The following CNTNAP5 variants were observed in gnomAD, a reference collection of about 807,000 sequenced individuals.
The protein encoded by CNTNAP5 is contactin associated protein family member 5.
Under a neutral mutation model 150.2 loss-of-function variants are expected in CNTNAP5, and 72 were observed. The ratio of observed to expected loss-of-function variants is 0.48; its 90% CI spans 0.40 to 0.58. The LOEUF is 0.58. CNTNAP5 is among the 20% of genes least tolerant of loss of function. The pLI is 0.00. For synonymous variants in CNTNAP5, 672 were observed against 619.8 expected (o/e 1.08, Z -1.25); for missense variants, 1,636 against 1,626.2 (o/e 1.01, Z -0.10).
intron 4 of CNTNAP5, among the ~76,000 whole-genome samples, chr2:124,429,884 T>C (rs914093039): frequency 6.6e-6 from 1 of 152,152 alleles, no homozygotes; most frequent in South Asian, 2.1e-4. Context: ...CACTTGGGCA[T>C]AGGCACCTCA....
intron 1 of CNTNAP5, among the ~76,000 whole-genome samples, chr2:124,188,833 T>C (rs528743746): frequency 1.3e-5 from 2 of 151,814 alleles, no homozygotes; most frequent in Admixed American, 1.3e-4. Context: ...CCAGGTAGAA[T>C]TCAGCAGTGG....
chr2:124,907,893 ATTAG>A (rs1678571490), intron 22 of CNTNAP5, among the ~76,000 whole-genome samples: 1 of 151,272 alleles, frequency 6.6e-6, no homozygotes, highest in African/African-American at 2.4e-5. Flanking sequence ...TTTAATAAAT[ATTAG>A]TTAGAATTAA....
At chr2:124,550,592 A>G (rs1019880556) in intron 10 of CNTNAP5, among the ~76,000 whole-genome samples, 15 of 152,246 alleles carry the variant, frequency 9.9e-5, no homozygotes, top group African/African-American at 3.6e-4. Context: ...CTGTGAGTGC[A>G]GGGAACACAA....
chr2:124,114,097 T>C (rs1683368807), intron 1 of CNTNAP5, among the ~76,000 whole-genome samples: 1 of 152,070 alleles, frequency 6.6e-6, no homozygotes, highest in Non-Finnish European at 1.5e-5. Flanking sequence ...CTATACTTCT[T>C]ATTTTTAATT....
chr2:124,074,982 T>G (rs1221392155), intron 1 of CNTNAP5, among the ~76,000 whole-genome samples: 1 of 152,136 alleles, frequency 6.6e-6, no homozygotes, highest in Non-Finnish European at 1.5e-5. Flanking sequence ...CTGTGAAAGC[T>G]GAAATTGCAT....
At chr2:124,628,767 G>T (rs1677783371) in intron 12 of CNTNAP5, among the ~76,000 whole-genome samples, 1 of 152,116 alleles carries the variant, frequency 6.6e-6, no homozygotes, top group Non-Finnish European at 1.5e-5. Context: ...ACACAGAATG[G>T]AAACCTGGGT....
intron 3 of CNTNAP5, among the ~76,000 whole-genome samples, chr2:124,400,685 T>TTTTG (rs1691396483): frequency 3.5e-5 from 5 of 140,914 alleles, no homozygotes; most frequent in Non-Finnish European, 7.7e-5. Context: ...TTTTTTTTTT[T>TTTTG]TTTGTTTTTT....
chr2:124,447,869 A>T (rs1692861229), intron 6 of CNTNAP5, among the ~76,000 whole-genome samples: 1 of 152,130 alleles, frequency 6.6e-6, no homozygotes, highest in Non-Finnish European at 1.5e-5. Flanking sequence ...AATTCAAAAG[A>T]ATAGGCCATC....
chr2:124,323,818 A>G (rs1036692343), intron 3 of CNTNAP5, among the ~76,000 whole-genome samples: 2 of 152,054 alleles, frequency 1.3e-5, no homozygotes, highest in East Asian at 1.9e-4. Flanking sequence ...AATTACTCCA[A>G]CTGAAAGTTG....
In CNTNAP5 at chr2:124,818,707, C is replaced by T. The variant is rs146136742; in HGVS notation, c.3217+20387C>T. Among the ~76,000 whole-genome samples the T allele has an allele frequency of 3.3e-3, 504 of 152,214 alleles. 4 individuals carry two copies. Among genetic ancestry groups the T allele is most frequent in the African/African-American group, 0.011 (445 of 41,558 alleles). ...CACAAGCCTCTTCCCAGGCCCCCTG[C>T]CCTCTCCTCTGGACTGCAGTAGTCT... On this transcript the variant is annotated intron_variant, in intron 19 of 23. Transcript: ENST00000682447.
chr2:124,650,313 T>C (rs1270875283), intron 13 of CNTNAP5, among the ~76,000 whole-genome samples: 2 of 152,194 alleles, frequency 1.3e-5, no homozygotes, highest in East Asian at 3.8e-4. Context: ...AAGAGAGTCC[T>C]CATTTACCCA....
At chr2:124,713,219 G>GTTTCTTTC (rs1284588697) in intron 13 of CNTNAP5, among the ~76,000 whole-genome samples, 1 of 78,178 alleles carries the variant, frequency 1.3e-5, no homozygotes, top group Admixed American at 1.3e-4. Context: ...TTCTTTCTCT[G>GTTTCTTTC]TTTCTTTCTT....
In CNTNAP5 at chr2:124,545,225, G is replaced by A. The variant is rs139421814; in HGVS notation, c.1649+17769G>A. 6.0e-3 allele frequency among the ~76,000 whole-genome samples: 905 copies of A among 152,090 alleles called. 1 individual carries two copies. Among genetic ancestry groups the A allele is most frequent in the Middle Eastern group, 0.027 (8 of 294 alleles). On this transcript the variant is annotated intron_variant, in intron 10 of 23. Transcript: ENST00000682447. Reference sequence around the variant, plus strand: ...GTCTTCACTTTTAAAATCTCCAATAGCATACTATATGTTGAAGTTATTGAC... The same window carrying A: ...GTCTTCACTTTTAAAATCTCCAATAACATACTATATGTTGAAGTTATTGAC...
intron 12 of CNTNAP5, among the ~76,000 whole-genome samples, chr2:124,620,411 G>A (rs1367394608): frequency 2.0e-5 from 3 of 152,188 alleles, no homozygotes; most frequent in South Asian, 2.1e-4. Flanking sequence ...AGTACAGAGT[G>A]CCCATCTGTT....
At chr2:124,139,190 T>C (rs966305861) in intron 1 of CNTNAP5, among the ~76,000 whole-genome samples, 2 of 151,784 alleles carry the variant, frequency 1.3e-5, no homozygotes, top group Non-Finnish European at 2.9e-5. Context: ...GATCAATAAA[T>C]CTAAATATAT....
chr2:124,871,313 A>G (rs1203560050), intron 21 of CNTNAP5, among the ~76,000 whole-genome samples: 11 of 117,008 alleles, frequency 9.4e-5, no homozygotes. Context: ...CAAAAGTTTT[A>G]TTTTACCTTT....
At chr2:124,140,096 C>G (rs1471316809) in intron 1 of CNTNAP5, among the ~76,000 whole-genome samples, 1 of 151,850 alleles carries the variant, frequency 6.6e-6, no homozygotes, top group Non-Finnish European at 1.5e-5. Context: ...TAAAAAACGG[C>G]GCACCACGAG....
intron 13 of CNTNAP5, among the ~76,000 whole-genome samples, chr2:124,736,865 G>T (rs1573583018): frequency 6.6e-6 from 1 of 151,968 alleles, no homozygotes. Flanking sequence ...TGCAAGCAAG[G>T]CACCATTCTC....
intron 1 of CNTNAP5, among the ~76,000 whole-genome samples, chr2:124,175,230 T>C (rs1480492307): frequency 6.6e-6 from 1 of 152,224 alleles, no homozygotes; most frequent in Admixed American, 6.5e-5. Context: ...GATCTACACA[T>C]ACATATGTAT....
Sources: allele counts gnomAD v4.1 joint callset (sites outside exome capture counted in the v4.1 genomes callset), GRCh38; gene constraint gnomAD v4.1.1; transcripts MANE v1.5; gene names NCBI Gene and HGNC (gene_info 2026-07-23, HGNC 2026-07-21).